GALNT13: variants seen among roughly 807,000 people sequenced by gnomAD.
The protein encoded by GALNT13 is polypeptide N-acetylgalactosaminyltransferase 13.
In GALNT13, 28 loss-of-function variants were observed where a neutral mutation model predicts 64.2. The observed-to-expected ratio is 0.44, with a 90% CI of 0.32 to 0.60. The LOEUF (loss-of-function observed/expected upper bound fraction) is 0.60. GALNT13 is among the 20% of genes least tolerant of loss of function. GALNT13 has a pLI of 0.05. For synonymous variants in GALNT13, 214 were observed against 224.6 expected, an observed-to-expected ratio of 0.95 and a Z score of 0.42; for missense variants, 577 against 669.8, an observed-to-expected ratio of 0.86 and a Z score of 1.53.
At chr2:154,408,765 T>C (rs1351758710) in intron 10 of GALNT13, among the ~76,000 whole-genome samples, 1 of 152,042 alleles carries the variant, frequency 6.6e-6, no homozygotes, top group Non-Finnish European at 1.5e-5. Flanking sequence ...CCAATGCCAA[T>C]TCTGTTCAAA....
chr2:153,194,472 A>T, the GALNT13 span, among the ~76,000 whole-genome samples: 1 of 151,948 alleles, frequency 6.6e-6, no homozygotes, highest in East Asian at 1.9e-4. Context: ...TTTCTCTTTT[A>T]TATCCTGAAT....
At chr2:154,393,596 C>A (rs1171642715) in intron 9 of GALNT13, among the ~76,000 whole-genome samples, 1 of 152,144 alleles carries the variant, frequency 6.6e-6, no homozygotes, top group Non-Finnish European at 1.5e-5. Context: ...TTGTACATTT[C>A]TAAAGGTAAT....
At chr2:153,924,200 A>G (rs984831053) in intron 2 of GALNT13, among the ~76,000 whole-genome samples, 23 of 150,356 alleles carry the variant, frequency 1.5e-4, no homozygotes, top group African/African-American at 5.6e-4. Flanking sequence ...TTCCTGATGC[A>G]CTCCCTCTTC....
chr2:153,413,265 C>T, the GALNT13 span, among the ~76,000 whole-genome samples: 3 of 152,096 alleles, frequency 2.0e-5, no homozygotes, highest in African/African-American at 4.8e-5. Flanking sequence ...AGGATTGTAT[C>T]GATACTATCT....
chr2:153,787,859 G>A, the GALNT13 span, among the ~76,000 whole-genome samples: 3 of 152,174 alleles, frequency 2.0e-5, no homozygotes, highest in East Asian at 1.9e-4. Flanking sequence ...TTGAAGTTTC[G>A]CTGTCTGAAA....
At chr2:153,780,246 T>TGC in the GALNT13 span, among the ~76,000 whole-genome samples, 7 of 39,818 alleles carry the variant, frequency 1.8e-4, no homozygotes, top group Admixed American at 6.2e-4. Flanking sequence ...TATATATATA[T>TGC]ATATATATAT....
At chr2:153,101,576 G>A in the GALNT13 span, among the ~76,000 whole-genome samples, 1 of 151,992 alleles carries the variant, frequency 6.6e-6, no homozygotes, top group Non-Finnish European at 1.5e-5. Flanking sequence ...TTGTTTTTTA[G>A]TCTACAGGCA....
the GALNT13 span, among the ~76,000 whole-genome samples, chr2:153,785,844 T>A: frequency 6.6e-6 from 1 of 152,094 alleles, no homozygotes; most frequent in Non-Finnish European, 1.5e-5. Flanking sequence ...GTCCTTGCTG[T>A]CTCCAGGCTC....
At chr2:153,195,577 G>A in the GALNT13 span, among the ~76,000 whole-genome samples, 6 of 152,198 alleles carry the variant, frequency 3.9e-5, no homozygotes, top group Non-Finnish European at 8.8e-5. Context: ...GGAGACACCG[G>A]GAACTGCAGG....
the GALNT13 span, among the ~76,000 whole-genome samples, chr2:153,112,193 C>A: frequency 6.6e-6 from 1 of 152,148 alleles, no homozygotes; most frequent in African/African-American, 2.4e-5. Flanking sequence ...ACCCTTATCT[C>A]ATTTGCGAGT....
chr2:153,963,289 A>G (rs1272595585), intron 3 of GALNT13, among the ~76,000 whole-genome samples: 3 of 152,204 alleles, frequency 2.0e-5, no homozygotes, highest in African/African-American at 7.2e-5. Flanking sequence ...AGACCATAGC[A>G]TATGGATGGA....
At chr2:153,146,360 T>C in the GALNT13 span, among the ~76,000 whole-genome samples, 3 of 151,974 alleles carry the variant, frequency 2.0e-5, no homozygotes, top group South Asian at 6.2e-4. Flanking sequence ...CATCCAGCTT[T>C]AATCTAACTA....
At chr2:153,457,860 C>G in the GALNT13 span, among the ~76,000 whole-genome samples, 1 of 152,272 alleles carries the variant, frequency 6.6e-6, no homozygotes, top group South Asian at 2.1e-4. Flanking sequence ...TTGTCAATGA[C>G]TCTGGTCATG....
At chr2:153,440,847 A>C in the GALNT13 span, among the ~76,000 whole-genome samples, 1 of 152,018 alleles carries the variant, frequency 6.6e-6, no homozygotes, top group Non-Finnish European at 1.5e-5. Context: ...TCTGGATACT[A>C]GCCCTTTGTC....
chr2:153,712,282 T>C, the GALNT13 span, among the ~76,000 whole-genome samples: 1 of 152,182 alleles, frequency 6.6e-6, no homozygotes, highest in Non-Finnish European at 1.5e-5. Context: ...AGATTACAGC[T>C]TGCCTTTTGA....
At chr2:153,545,287 T>C in the GALNT13 span, among the ~76,000 whole-genome samples, 1 of 152,168 alleles carries the variant, frequency 6.6e-6, no homozygotes, top group Non-Finnish European at 1.5e-5. Context: ...CTCCAGATTT[T>C]ACTTCCGTGT....
chr2:154,287,795 T>A (rs1357521177), intron 8 of GALNT13, among the ~76,000 whole-genome samples: 1 of 152,128 alleles, frequency 6.6e-6, no homozygotes, highest in Admixed American at 6.5e-5. Flanking sequence ...AGATTTATCT[T>A]ATCTTTTATT....
upstream of GALNT13, among the ~76,000 whole-genome samples, chr2:153,870,578 C>T (rs2105205625): frequency 6.6e-6 from 1 of 151,866 alleles, no homozygotes; most frequent in South Asian, 2.1e-4. Context: ...CTGGTAAATG[C>T]TCCATAATTG....
chr2:153,652,491 T>C, the GALNT13 span, among the ~76,000 whole-genome samples: 1 of 152,064 alleles, frequency 6.6e-6, no homozygotes, highest in Non-Finnish European at 1.5e-5. Context: ...GTCATCTGCC[T>C]GTAAGCCCAG....
Sources: gnomAD v4.1 joint callset for allele counts (sites outside exome capture counted in the v4.1 genomes callset) on GRCh38, gnomAD v4.1.1 for gene constraint, MANE v1.5 for transcripts, NCBI Gene and HGNC (gene_info 2026-07-23, HGNC 2026-07-21) for gene names.